The following GREB1L variants were observed in gnomAD, a reference collection of about 807,000 sequenced individuals.
GREB1L encodes GREB1 like retinoic acid receptor coactivator, also known as GREB1-like protein.
Under a neutral mutation model 200.8 loss-of-function variants are expected in GREB1L, and 17 were observed. That is an observed-to-expected ratio of 0.08 (90% CI 0.06 to 0.13). GREB1L has a LOEUF of 0.13. Among genes scored for constraint, GREB1L ranks in the 10% least tolerant of loss-of-function variants. The pLI is 1.00. For synonymous variants in GREB1L, 789 were observed against 893.0 expected (o/e 0.88, Z 2.08); for missense variants, 1,657 against 2,367.7 (o/e 0.70, Z 6.23).
intron 1 of GREB1L, among the ~76,000 whole-genome samples, chr18:21,273,405 G>A (rs2038110224): frequency 6.6e-6 from 1 of 152,018 alleles, no homozygotes; most frequent in Non-Finnish European, 1.5e-5. Context: ...TTCAGTTTGA[G>A]TGGCCTTATA....
chr18:21,475,148 G>A (rs2035636633), intron 16 of GREB1L, among the ~76,000 whole-genome samples: 1 of 152,162 alleles, frequency 6.6e-6, no homozygotes, highest in South Asian at 2.1e-4. Flanking sequence ...AGGTTAAGAT[G>A]AATGAGCTCC....
At position 21,327,727 on chromosome 18, in the gene GREB1L, G is replaced by C. The variant is rs1273924311; in HGVS notation, c.-119-38300G>C. 3.3e-5 allele frequency among the ~76,000 whole-genome samples: 5 copies of C among 151,026 alleles called. No individual in the cohort carries two copies. The South Asian group carries it at 1.1e-3, about 32-fold the overall frequency. ...TTTTTTTTGGTGGGGTGGGGAGGTG[G>C]GGGGCACGGAGTCTCACTCTGTTAC... On this transcript the variant is annotated intron_variant, in intron 1 of 32. Transcript: ENST00000424526.
chr18:21,414,400 ATTTTC>A (rs1343437209), intron 7 of GREB1L, among the ~76,000 whole-genome samples: 2 of 152,192 alleles, frequency 1.3e-5, no homozygotes, highest in African/African-American at 4.8e-5. Flanking sequence ...CTTTTTCTGA[ATTTTC>A]TTTTATGTTA....
chr18:21,518,588 C>T (rs889210581), intron 31 of GREB1L, among the ~76,000 whole-genome samples: 2 of 152,208 alleles, frequency 1.3e-5, no homozygotes, highest in African/African-American at 4.8e-5. Flanking sequence ...TCTTAACATT[C>T]ATCAGATTAT....
intron 11 of GREB1L, among the ~76,000 whole-genome samples, chr18:21,448,680 G>A (rs966341736): frequency 2.0e-5 from 3 of 152,092 alleles, no homozygotes; most frequent in Non-Finnish European, 4.4e-5. Context: ...TTGAATAGAG[G>A]GAGTGACTGT....
rs76651630 is a variant in GREB1L at position 21,516,334 on chromosome 18, G to A, written c.5130-279G>A. On this transcript the variant is annotated intron_variant, in intron 29 of 32. Coordinates refer to ENST00000424526, the MANE Select transcript of GREB1L (RefSeq NM_001142966.3). ...AGCACCTCTGCATTCCTGTTTTGCC[G>A]GAGTGTATCAAATAGGAATATAGTC... Among the ~76,000 whole-genome samples, 1,091 of 152,242 alleles carry A rather than the reference G, an allele frequency of 7.2e-3. 16 individuals are homozygous for A. Among genetic ancestry groups the A allele is most frequent in the African/African-American group, 0.025 (1,026 of 41,540 alleles).
intron 1 of GREB1L, among the ~76,000 whole-genome samples, chr18:21,358,727 T>C (rs1002638863): frequency 6.6e-5 from 10 of 152,108 alleles, no homozygotes; most frequent in African/African-American, 2.4e-4. Flanking sequence ...AGACTACACA[T>C]TGGGTAGCGT....
rs1339286059 is a variant in GREB1L at position 21,513,966 on chromosome 18, C to T, written c.4881C>T (p.His1627=). 12 of 1,551,640 alleles carry T rather than the reference C, an allele frequency of 7.7e-6. No individual in the cohort carries two copies. Among genetic ancestry groups the T allele is most frequent in the Admixed American group, 2.0e-5 (1 of 51,012 alleles). The change falls in exon 28 of 33, where the codon CAC becomes CAT. Residue 1627 remains histidine (H), a synonymous_variant. Coordinates refer to ENST00000424526, the MANE Select transcript of GREB1L (RefSeq NM_001142966.3). ...ACTCATGTGTCCTATGGAACATTCACAGTGTTCAGGAGCCATCCAGGTAGA... is the reference window on the plus strand; with the variant it reads ...ACTCATGTGTCCTATGGAACATTCATAGTGTTCAGGAGCCATCCAGGTAGA... ...MDDSCVLWNI[H]SVQEPSSQPM...
At chr18:21,261,739 A>G (rs1170534632) in intron 1 of GREB1L, among the ~76,000 whole-genome samples, 4 of 152,124 alleles carry the variant, frequency 2.6e-5, no homozygotes, top group Non-Finnish European at 5.9e-5. Context: ...AGGAATTGCT[A>G]TTTGTTGGTT....
intron 7 of GREB1L, among the ~76,000 whole-genome samples, chr18:21,429,167 C>T (rs2145043875): frequency 1.3e-5 from 1 of 79,452 alleles, no homozygotes; most frequent in Admixed American, 1.4e-4. Context: ...TCCCTCCCTT[C>T]CCCTCCCTTC....
intron 4 of GREB1L, among the ~76,000 whole-genome samples, chr18:21,392,519 T>A (rs1024051846): frequency 1.9e-4 from 29 of 152,200 alleles, no homozygotes; most frequent in Non-Finnish European, 3.7e-4. Flanking sequence ...AGTTTTTATA[T>A]TTTTTCTTAA....
chr18:21,372,990 G>A (rs2039939515), intron 2 of GREB1L, among the ~76,000 whole-genome samples: 1 of 150,856 alleles, frequency 6.6e-6, no homozygotes, highest in Non-Finnish European at 1.5e-5. Context: ...TTTATGTTTG[G>A]CCCAAGACAT....
intron 1 of GREB1L, among the ~76,000 whole-genome samples, chr18:21,343,766 C>T (rs570101953): frequency 2.9e-5 from 4 of 135,706 alleles, no homozygotes; most frequent in South Asian, 2.4e-4. Context: ...GACAGAGTCT[C>T]GCTCTGTCAC....
At chr18:21,276,913 A>G (rs1403589939) in intron 1 of GREB1L, among the ~76,000 whole-genome samples, 3 of 146,974 alleles carry the variant, frequency 2.0e-5, no homozygotes, top group African/African-American at 5.1e-5. Context: ...CCTTCCCTTT[A>G]CAGCCCAGCC....
intron 1 of GREB1L, among the ~76,000 whole-genome samples, chr18:21,245,697 T>TTTTTGTTTTGTTTTG (rs548631647): frequency 5.3e-5 from 8 of 150,828 alleles, no homozygotes; most frequent in Non-Finnish European, 8.8e-5. Context: ...GCCTATTCTT[T>TTTTTGTTTTGTTTTG]TTTTGTTTTG....
At chr18:21,322,142 A>G (rs1224872638) in intron 1 of GREB1L, among the ~76,000 whole-genome samples, 2 of 152,242 alleles carry the variant, frequency 1.3e-5, no homozygotes, top group African/African-American at 2.4e-5. Flanking sequence ...AGGTGGCTGG[A>G]TGTATAATTT....
At chr18:21,371,691 G>A (rs897409122) in intron 2 of GREB1L, among the ~76,000 whole-genome samples, 4 of 151,288 alleles carry the variant, frequency 2.6e-5, no homozygotes, top group African/African-American at 9.7e-5. Context: ...GGCTGAGGCA[G>A]GAGAATGGCA....
Position 21,271,063 on chromosome 18 carries a change from T to G in GREB1L, c.-120+28670T>G, listed in dbSNP as rs549636446. ...TGAACTATTAGCCAGTACATCATAT[T>G]GATTTAAAGGAAACACATTAAGAAA... On this transcript the variant is annotated intron_variant, in intron 1 of 32. Coordinates refer to ENST00000424526, the MANE Select transcript of GREB1L (RefSeq NM_001142966.3). Among the ~76,000 whole-genome samples the G allele has an allele frequency of 3.9e-5, 6 of 152,310 alleles. No individual in the cohort carries two copies. The South Asian group carries it at 1.2e-3, about 32-fold the overall frequency.
intron 1 of GREB1L, among the ~76,000 whole-genome samples, chr18:21,257,339 T>C (rs1359501243): frequency 6.6e-6 from 1 of 152,112 alleles, no homozygotes; most frequent in Non-Finnish European, 1.5e-5. Flanking sequence ...TCTGGAAAAA[T>C]TAGAACATGT....
Sources: allele counts gnomAD v4.1 joint callset (sites outside exome capture counted in the v4.1 genomes callset), GRCh38; gene constraint gnomAD v4.1.1; transcripts MANE v1.5; gene names NCBI Gene and HGNC (gene_info 2026-07-23, HGNC 2026-07-21).